WDR41: variants seen among roughly 807,000 people sequenced by gnomAD.
WDR41 encodes WD repeat-containing protein 41.
A neutral mutation model predicts 69.3 loss-of-function variants in WDR41; 63 were observed. The ratio of observed to expected loss-of-function variants is 0.91; its 90% confidence interval spans 0.74 to 1.12. WDR41 has a LOEUF of 1.12. Ranked by LOEUF, WDR41 falls within the 50% of genes most tolerant of loss-of-function variation. The pLI is 0.00. For synonymous variants in WDR41, 185 were observed against 192.1 expected (o/e 0.96, Z 0.31); for missense variants, 543 against 534.5 (o/e 1.02, Z -0.16).
chr5:77,565,506 C>T (rs1743607981), intron 1 of WDR41, among the ~76,000 whole-genome samples: 1 of 152,006 alleles, frequency 6.6e-6, no homozygotes, highest in South Asian at 2.1e-4. Flanking sequence ...GGTCATGAGG[C>T]CCTGGACTGC....
chr5:77,483,774 T>C (rs10077625), intron 2 of WDR41, among the ~76,000 whole-genome samples: 39,069 of 152,078 alleles, frequency 0.26, 5,799 homozygotes, highest in Non-Finnish European at 0.33. Flanking sequence ...AAAGGCAGTA[T>C]AGATTTTGAC....
At chr5:77,573,190 T>C (rs571822184) in intron 1 of WDR41, among the ~76,000 whole-genome samples, 54 of 152,202 alleles carry the variant, frequency 3.5e-4, no homozygotes, top group African/African-American at 1.3e-3. Flanking sequence ...AATGGTATAT[T>C]AAGAGACAAA....
chr5:77,554,837 G>A (rs1326432834), intron 1 of WDR41, among the ~76,000 whole-genome samples: 2 of 151,980 alleles, frequency 1.3e-5, no homozygotes, highest in African/African-American at 2.4e-5. Context: ...AGTGCCTAGA[G>A]GCCGGGTGGG....
intron 4 of WDR41, among the ~76,000 whole-genome samples, chr5:77,460,439 C>T (rs931975994): frequency 1.3e-5 from 2 of 152,152 alleles, no homozygotes; most frequent in Non-Finnish European, 2.9e-5. Flanking sequence ...AGCCTTTTCA[C>T]TTATTTCACT....
intron 1 of WDR41, among the ~76,000 whole-genome samples, chr5:77,555,086 CAA>C (rs112922794): frequency 2.0e-4 from 22 of 111,348 alleles, no homozygotes; most frequent in Non-Finnish European, 1.6e-4. Flanking sequence ...GACCCTGTTT[CAA>C]AAAAAAAAAA....
At chr5:77,506,739 G>A (rs1802114045) in intron 1 of WDR41, among the ~76,000 whole-genome samples, 1 of 152,174 alleles carries the variant, frequency 6.6e-6, no homozygotes, top group Non-Finnish European at 1.5e-5. Flanking sequence ...CCTTTGCAGG[G>A]ACATGGACGA....
At chr5:77,557,734 G>A (rs1743433918) in intron 1 of WDR41, among the ~76,000 whole-genome samples, 1 of 152,002 alleles carries the variant, frequency 6.6e-6, no homozygotes, top group African/African-American at 2.4e-5. Context: ...CAAAATACAT[G>A]TGTAGTAATA....
intron 1 of WDR41, among the ~76,000 whole-genome samples, chr5:77,612,524 C>T (rs985517032): frequency 1.2e-4 from 19 of 152,124 alleles, no homozygotes; most frequent in African/African-American, 4.6e-4. Context: ...AGCATATAAA[C>T]AGAACCAAAG....
intron 1 of WDR41, among the ~76,000 whole-genome samples, chr5:77,522,960 T>C (rs1581784797): frequency 6.6e-6 from 1 of 152,132 alleles, no homozygotes; most frequent in Non-Finnish European, 1.5e-5. Flanking sequence ...TACAAGCAAC[T>C]GTAAAAGTCA....
intron 1 of WDR41, among the ~76,000 whole-genome samples, chr5:77,503,053 TA>T (rs978713730): frequency 6.6e-6 from 1 of 151,654 alleles, no homozygotes; most frequent in Admixed American, 6.6e-5. Context: ...ATGCCCAAAT[TA>T]AAAAACACAG....
At chr5:77,535,145 C>T (rs1291149694) in intron 1 of WDR41, among the ~76,000 whole-genome samples, 1 of 152,114 alleles carries the variant, frequency 6.6e-6, no homozygotes, top group Non-Finnish European at 1.5e-5. Flanking sequence ...GTTCCTCTTA[C>T]AGTCTCAGCT....
At chr5:77,508,968 G>A (rs1802155618) in intron 1 of WDR41, among the ~76,000 whole-genome samples, 1 of 152,070 alleles carries the variant, frequency 6.6e-6, no homozygotes, top group Non-Finnish European at 1.5e-5. Context: ...GATTGTTTTT[G>A]ACAATGTCCT....
At chr5:77,601,815 C>T (rs1744328570) in intron 1 of WDR41, among the ~76,000 whole-genome samples, 1 of 152,164 alleles carries the variant, frequency 6.6e-6, no homozygotes, top group South Asian at 2.1e-4. Flanking sequence ...TTTTTAAAAA[C>T]CTTTTAATTA....
chr5:77,542,341 G>C (rs1743105387), intron 1 of WDR41, among the ~76,000 whole-genome samples: 1 of 152,100 alleles, frequency 6.6e-6, no homozygotes, highest in Admixed American at 6.5e-5. Flanking sequence ...TTAATACGTA[G>C]GTGATGGGAT....
intron 9 of WDR41, 92 bp from the exon 10 acceptor site, chr5:77,438,453 A>G: frequency 6.6e-7 from 1 of 1,520,834 alleles, no homozygotes; most frequent in African/African-American, 1.4e-5. Flanking sequence ...TCAGAAAGCC[A>G]CCATTACCTT....
chr5:77,566,985 T>C (rs1743644852), intron 1 of WDR41, among the ~76,000 whole-genome samples: 1 of 152,174 alleles, frequency 6.6e-6, no homozygotes, highest in South Asian at 2.1e-4. Flanking sequence ...GGAGAGCCAA[T>C]ATGGTAGTAC....
At chr5:77,433,608 C>T (rs1798814578) in intron 12 of WDR41, among the ~76,000 whole-genome samples, 1 of 152,104 alleles carries the variant, frequency 6.6e-6, no homozygotes. Flanking sequence ...TGTATAATGG[C>T]TATGGAAAAA....
At chr5:77,434,417 A>G (rs1172466166) in intron 12 of WDR41, among the ~76,000 whole-genome samples, 1 of 152,156 alleles carries the variant, frequency 6.6e-6, no homozygotes, top group African/African-American at 2.4e-5. Context: ...ACATGGGAGC[A>G]GAATTCCTTC....
rs201646585 is a variant in WDR41 at position 77,449,776 on chromosome 5, T to C, written c.681A>G (p.Ser227=). Residue 227 remains serine (S), a synonymous_variant, in exon 8 of 13, where the codon TCA becomes TCG. Coordinates refer to ENST00000296679, the MANE Select transcript of WDR41 (RefSeq NM_018268.4). The part of the protein sequence containing the change: ...RLLDHQDNIL[S]LINVNDLSFV... ...TGAGCTTACCATTGACATTAATCAATGAGAGAATATTATCCTGGTGATCAA... is the reference window on the plus strand; with the variant it reads ...TGAGCTTACCATTGACATTAATCAACGAGAGAATATTATCCTGGTGATCAA... 6 of 1,607,618 alleles carry C rather than the reference T, an allele frequency of 3.7e-6. No individual in the cohort carries two copies. The highest frequency in any genetic ancestry group is 5.1e-6 in the Non-Finnish European group (6 of 1,174,188).
Sources: gnomAD v4.1 joint callset for allele counts (sites outside exome capture counted in the v4.1 genomes callset) on GRCh38, gnomAD v4.1.1 for gene constraint, MANE v1.5 for transcripts, NCBI Gene and HGNC (gene_info 2026-07-23, HGNC 2026-07-21) for gene names.